Variants in INSC observed in about 807,000 individuals in gnomAD.
INSC encodes the protein protein inscuteable homolog.
A neutral mutation model predicts 58.6 loss-of-function variants in INSC; 67 were observed. The ratio of observed to expected loss-of-function variants is 1.14; its 90% CI spans 0.94 to 1.40. INSC has a LOEUF of 1.40. Ranked by LOEUF, INSC falls within the 40% of genes most tolerant of loss-of-function variation. The probability of loss-of-function intolerance (pLI) is 0.00; values close to 1 mark genes in which losing one functional copy is unlikely to be tolerated. For missense variants in INSC, 714 were observed against 692.0 expected (o/e 1.03, Z -0.36); for synonymous variants, 262 against 276.1 (o/e 0.95, Z 0.51).
At chr11:15,253,348 G>A in the INSC span, among the ~76,000 whole-genome samples, 1 of 152,096 alleles carries the variant, frequency 6.6e-6, no homozygotes, top group African/African-American at 2.4e-5. Context: ...CTATTCAAAG[G>A]CGTTGAGACA....
intron 5 of INSC, 142 bp downstream of exon 5, chr11:15,178,589 C>T (rs1412100529): frequency 9.5e-7 from 1 of 1,057,064 alleles, no homozygotes; most frequent in Non-Finnish European, 1.3e-6. Context: ...CCAAAGTCAA[C>T]TCCAGCATTT....
intron 6 of INSC, among the ~76,000 whole-genome samples, chr11:15,196,944 G>C (rs60455904): frequency 0.01 from 1,551 of 152,198 alleles, 54 homozygotes; most frequent in Admixed American, 0.065. Flanking sequence ...CTTCTCAGCA[G>C]CCCCTCCTCT....
At chr11:15,257,737 T>C in the INSC span, among the ~76,000 whole-genome samples, 1 of 152,154 alleles carries the variant, frequency 6.6e-6, no homozygotes, top group African/African-American at 2.4e-5. Flanking sequence ...CATGTGAAGC[T>C]GGAGTTATGC....
intron 1 of INSC, among the ~76,000 whole-genome samples, chr11:15,118,447 G>A (rs956664042): frequency 1.3e-5 from 2 of 152,172 alleles, no homozygotes; most frequent in African/African-American, 4.8e-5. Context: ...CTTGAATGGT[G>A]GGCTTTCAGG....
Position 15,147,331 on chromosome 11 carries a change from C to T in INSC, c.-45-1799C>T, listed in dbSNP as rs1464150043. Among the ~76,000 whole-genome samples, 4 of 152,280 alleles carry T rather than the reference C, an allele frequency of 2.6e-5. No individual in the cohort carries two copies. In the East Asian group the frequency reaches 7.7e-4, roughly 29 times the overall value. ...TGGTGATAACATGCTTGTTGAGCCT[C>T]TCGCTGTGCTAAGTGTGTGACCTGC... On this transcript the variant is annotated intron_variant, in intron 1 of 12. Transcript: ENST00000379556.
chr11:15,161,135 AG>A (rs1188064573), intron 2 of INSC, among the ~76,000 whole-genome samples: 5 of 152,174 alleles, frequency 3.3e-5, no homozygotes, highest in African/African-American at 1.2e-4. Flanking sequence ...CAATTGAGAG[AG>A]GGCCACTGCC....
chr11:15,122,192 A>T (rs1847890426), intron 1 of INSC, among the ~76,000 whole-genome samples: 2 of 152,126 alleles, frequency 1.3e-5, no homozygotes, highest in African/African-American at 4.8e-5. Flanking sequence ...AGAAGAAAAA[A>T]CCCCAAAGAC....
chr11:15,168,309 T>A (rs1849273986), intron 2 of INSC, among the ~76,000 whole-genome samples: 1 of 151,788 alleles, frequency 6.6e-6, no homozygotes, highest in African/African-American at 2.4e-5. Flanking sequence ...ATTGTTTCCC[T>A]CTCTGTGTCC....
intron 2 of INSC, among the ~76,000 whole-genome samples, chr11:15,167,997 C>A (rs1301473321): frequency 6.6e-6 from 1 of 152,122 alleles, no homozygotes; most frequent in African/African-American, 2.4e-5. Flanking sequence ...TCACAGTTTC[C>A]CTTCATCTTC....
the INSC span, among the ~76,000 whole-genome samples, chr11:15,267,557 T>C: frequency 5.3e-5 from 8 of 152,026 alleles, no homozygotes; most frequent in Non-Finnish European, 7.4e-5. Flanking sequence ...TCTCAGACTT[T>C]GTGGGCTATA....
rs200582479 is a variant in INSC at position 15,240,445 on chromosome 11, A to G, written c.1394-2A>G. On this transcript the variant is annotated splice_acceptor_variant, in intron 11 of 12. Transcript: ENST00000379556. LOFTEE classifies it high-confidence loss of function. ...CTGAGGCTCTCCCTGTGTCTCCTACAGGCATGTCCCGTCTCATCGAGCTCT... is the reference window on the plus strand; with the variant it reads ...CTGAGGCTCTCCCTGTGTCTCCTACGGGCATGTCCCGTCTCATCGAGCTCT... 7.5e-4 allele frequency: 1,205 copies of G among 1,613,488 alleles called. No homozygotes were observed. The highest frequency in any genetic ancestry group is 1.0e-3 in the Non-Finnish European group (1,180 of 1,179,766).
intron 2 of INSC, 96 bp downstream of exon 2, chr11:15,149,326 C>A: frequency 8.0e-7 from 1 of 1,243,236 alleles, no homozygotes; most frequent in Non-Finnish European, 1.1e-6. Flanking sequence ...GTGACCCCAT[C>A]TTCCCACGCA....
At chr11:15,139,114 A>G (rs1280380300) in intron 1 of INSC, among the ~76,000 whole-genome samples, 2 of 152,222 alleles carry the variant, frequency 1.3e-5, no homozygotes, top group African/African-American at 4.8e-5. Context: ...TCCCAAGGGT[A>G]TAAAGACCCC....
intron 1 of INSC, among the ~76,000 whole-genome samples, chr11:15,138,547 C>T (rs573738546): frequency 9.1e-4 from 139 of 152,282 alleles, no homozygotes; most frequent in Admixed American, 2.0e-3. Context: ...TTCTATGGGA[C>T]GCTTTGCTTC....
chr11:15,216,697 A>C (rs950078009), intron 7 of INSC, among the ~76,000 whole-genome samples: 11 of 152,192 alleles, frequency 7.2e-5, no homozygotes, highest in African/African-American at 2.7e-4. Flanking sequence ...TGGATGTCTA[A>C]ACAAGTGGTT....
chr11:15,118,263 A>T (rs994363498), intron 1 of INSC, among the ~76,000 whole-genome samples: 3 of 152,172 alleles, frequency 2.0e-5, no homozygotes, highest in African/African-American at 7.2e-5. Flanking sequence ...GTCACCTCTT[A>T]TCTGCAGAGG....
At chr11:15,235,770 C>T (rs1590008561) in intron 10 of INSC, 102 bp downstream of exon 10, 5 of 1,010,034 alleles carry the variant, frequency 5.0e-6, no homozygotes, top group Admixed American at 1.7e-5. Flanking sequence ...TAAATAGGTA[C>T]ATGTGGCCGG....
intron 2 of INSC, among the ~76,000 whole-genome samples, chr11:15,168,042 C>A (rs1253792126): frequency 4.6e-5 from 7 of 152,202 alleles, no homozygotes; most frequent in Admixed American, 1.3e-4. Flanking sequence ...GTTGCTTGGG[C>A]AAATGGTCCT....
chr11:15,232,546 A>G (rs1378648932), intron 9 of INSC, among the ~76,000 whole-genome samples: 2 of 152,184 alleles, frequency 1.3e-5, no homozygotes, highest in African/African-American at 4.8e-5. Context: ...GGCATGAGCT[A>G]TGGTGCCTGG....
Sources: allele counts gnomAD v4.1 joint callset (sites outside exome capture counted in the v4.1 genomes callset), GRCh38; gene constraint gnomAD v4.1.1; transcripts MANE v1.5; gene names NCBI Gene and HGNC (gene_info 2026-07-23, HGNC 2026-07-21).